RABGAP1L: variants seen among roughly 807,000 people sequenced by gnomAD.
RABGAP1L encodes rab GTPase-activating protein 1-like.
Under a neutral mutation model 137.7 loss-of-function variants are expected in RABGAP1L, and 63 were observed. The observed-to-expected ratio is 0.46, with a 90% CI of 0.37 to 0.56. The LOEUF (loss-of-function observed/expected upper bound fraction) is 0.56, where lower values mean the gene tolerates loss of function less well. RABGAP1L is among the 20% of genes least tolerant of loss of function. The probability of loss-of-function intolerance (pLI) is 0.00; values close to 1 mark genes in which losing one functional copy is unlikely to be tolerated. For missense variants in RABGAP1L, 1,095 were observed against 1,244.0 expected, an observed-to-expected ratio of 0.88 and a Z score of 1.80; for synonymous variants, 431 against 433.7, an observed-to-expected ratio of 0.99 and a Z score of 0.08.
Position 174,220,985 on chromosome 1 carries a change from G to A in RABGAP1L, c.152G>A (p.Gly51Asp). The change falls in exon 3 of 26, where the codon GGT becomes GAT. Residue 51 changes from glycine to aspartate, a missense_variant. By Grantham distance (94) the Gly-to-Asp change is moderately conservative. Transcript: ENST00000681986. ...EKPQLKIVSNGDEQLEKAMEE... is the reference protein window; with the variant it reads ...EKPQLKIVSNDDEQLEKAMEE... ...CTGTGTCTGTAGATAGTTTCTAATG[G>A]TGATGAACAATTGGAAAAAGCCATG... 1 of 1,610,328 alleles carries A rather than the reference G, an allele frequency of 6.2e-7. No homozygotes were observed. The highest frequency in any genetic ancestry group is 8.5e-7 in the Non-Finnish European group (1 of 1,178,116).
chr1:174,637,536 T>A (rs750369199), intron 14 of RABGAP1L, 48 bp downstream of exon 14: 1 of 1,357,146 alleles, frequency 7.4e-7, no homozygotes, highest in Non-Finnish European at 1.0e-6. Flanking sequence ...CAGAGCTATA[T>A]TTTAGAAACC....
At chr1:174,933,893 G>T (rs1664281486) in intron 19 of RABGAP1L, among the ~76,000 whole-genome samples, 1 of 152,026 alleles carries the variant, frequency 6.6e-6, no homozygotes, top group Admixed American at 6.6e-5. Flanking sequence ...TAATTATCCA[G>T]TTCAACCCAC....
chr1:174,459,065 G>A (rs534982856), intron 13 of RABGAP1L, among the ~76,000 whole-genome samples: 54 of 152,126 alleles, frequency 3.5e-4, no homozygotes, highest in Non-Finnish European at 7.4e-4. Context: ...GGTTATAGTC[G>A]TACACTTAGC....
At chr1:174,858,175 G>A (rs1649630572) in intron 19 of RABGAP1L, among the ~76,000 whole-genome samples, 1 of 152,030 alleles carries the variant, frequency 6.6e-6, no homozygotes, top group Admixed American at 6.6e-5. Flanking sequence ...ACCATGCCTG[G>A]CTAATTTTTT....
intron 13 of RABGAP1L, among the ~76,000 whole-genome samples, chr1:174,543,803 C>G (rs1665721380): frequency 6.6e-6 from 1 of 152,178 alleles, no homozygotes; most frequent in Non-Finnish European, 1.5e-5. Flanking sequence ...GTGACAAAAT[C>G]TCTCAGCATT....
intron 13 of RABGAP1L, among the ~76,000 whole-genome samples, chr1:174,565,542 A>G (rs1163835005): frequency 6.6e-6 from 1 of 151,898 alleles, no homozygotes; most frequent in African/African-American, 2.4e-5. Flanking sequence ...ACTTTCTCTT[A>G]TGTTCTCCCC....
At chr1:174,430,353 G>T (rs1031096272) in intron 13 of RABGAP1L, among the ~76,000 whole-genome samples, 1 of 147,478 alleles carries the variant, frequency 6.8e-6, no homozygotes, top group Admixed American at 6.8e-5. Flanking sequence ...GCCAGACTCT[G>T]TCTGAAAAAA....
intron 10 of RABGAP1L, among the ~76,000 whole-genome samples, chr1:174,279,516 C>G (rs983765641): frequency 1.3e-5 from 2 of 151,978 alleles, no homozygotes; most frequent in African/African-American, 4.8e-5. Context: ...ATGTGGACTG[C>G]TGTGTGATAA....
At chr1:174,946,980 G>GTATA (rs1553291102) in intron 19 of RABGAP1L, among the ~76,000 whole-genome samples, 1,231 of 78,168 alleles carry the variant, frequency 0.016, 32 homozygotes, top group South Asian at 0.02. Flanking sequence ...GTGTGTGTGT[G>GTATA]TATATATATG....
intron 13 of RABGAP1L, among the ~76,000 whole-genome samples, chr1:174,535,245 A>AT (rs981219747): frequency 2.0e-5 from 3 of 152,074 alleles, no homozygotes; most frequent in Non-Finnish European, 4.4e-5. Context: ...GTCTCTATTT[A>AT]TTTTTTTAAT....
chr1:174,784,235 G>A (rs1687282943), intron 18 of RABGAP1L, among the ~76,000 whole-genome samples: 1 of 151,740 alleles, frequency 6.6e-6, no homozygotes, highest in African/African-American at 2.4e-5. Flanking sequence ...TAGCCAGGAT[G>A]GTCTTGATCT....
intron 1 of RABGAP1L, among the ~76,000 whole-genome samples, chr1:174,169,782 T>G (rs1665196722): frequency 6.6e-6 from 1 of 152,196 alleles, no homozygotes; most frequent in African/African-American, 2.4e-5. Context: ...CTCAAACTTC[T>G]GGTCTCAAAG....
chr1:174,952,128 C>T (rs543547691), intron 19 of RABGAP1L, among the ~76,000 whole-genome samples: 7 of 151,904 alleles, frequency 4.6e-5, no homozygotes, highest in African/African-American at 1.4e-4. Flanking sequence ...TTAAGATCTG[C>T]GGTGTTGAAA....
At chr1:174,210,286 G>A (rs1456311341) in intron 1 of RABGAP1L, among the ~76,000 whole-genome samples, 2 of 152,128 alleles carry the variant, frequency 1.3e-5, no homozygotes, top group African/African-American at 4.8e-5. Flanking sequence ...TCTGGAGAAA[G>A]CGAGACAGAA....
intron 18 of RABGAP1L, among the ~76,000 whole-genome samples, chr1:174,783,106 C>T (rs562441486): frequency 6.6e-6 from 1 of 152,200 alleles, no homozygotes; most frequent in East Asian, 1.9e-4. Flanking sequence ...GCAGACCCAC[C>T]GTTGACTTCC....
At chr1:174,727,451 A>G (rs1682079871) in intron 17 of RABGAP1L, among the ~76,000 whole-genome samples, 1 of 152,202 alleles carries the variant, frequency 6.6e-6, no homozygotes, top group South Asian at 2.1e-4. Context: ...TTACTTAAGC[A>G]TTGCTGATAC....
intron 19 of RABGAP1L, among the ~76,000 whole-genome samples, chr1:174,841,522 A>C (rs1693396127): frequency 6.6e-6 from 1 of 152,096 alleles, no homozygotes; most frequent in African/African-American, 2.4e-5. Context: ...TCTAACTCAA[A>C]GTTAGAAAAA....
chr1:174,982,936 T>C (rs1671259904), intron 24 of RABGAP1L, 31 bp downstream of exon 24: 1 of 1,548,266 alleles, frequency 6.5e-7, no homozygotes, highest in Non-Finnish European at 8.7e-7. Flanking sequence ...GTGATAAAAT[T>C]TATTTCAAAG....
intron 11 of RABGAP1L, among the ~76,000 whole-genome samples, chr1:174,323,660 A>C (rs751478271): frequency 1.3e-5 from 2 of 152,124 alleles, no homozygotes; most frequent in Non-Finnish European, 2.9e-5. Context: ...CAAGCATGCA[A>C]ATAAACTAGT....
Sources: allele counts gnomAD v4.1 joint callset (sites outside exome capture counted in the v4.1 genomes callset), GRCh38; gene constraint gnomAD v4.1.1; transcripts MANE v1.5; gene names NCBI Gene and HGNC (gene_info 2026-07-23, HGNC 2026-07-21).